Variants in MID1 observed in about 807,000 individuals in gnomAD.
MID1 encodes midline 1, also known as E3 ubiquitin-protein ligase Midline-1.
MID1 carries 7 observed loss-of-function variants against 40.4 expected under a neutral mutation model. That is an observed-to-expected ratio of 0.17 (90% CI 0.10 to 0.33). The LOEUF is 0.33. MID1 is among the 10% of genes least tolerant of loss of function. MID1 has a pLI of 1.00. For missense variants in MID1, 367 were observed against 558.5 expected (o/e 0.66, Z 3.46); for synonymous variants, 229 against 221.2 (o/e 1.04, Z -0.31).
chrX:10,534,634 T>C (rs1933172364), intron 2 of MID1, among the ~76,000 whole-genome samples: 1 of 112,002 alleles, frequency 8.9e-6, no homozygotes, highest in Non-Finnish European at 1.9e-5. Flanking sequence ...ATGATCAGCT[T>C]TGTTCTTGAA....
chrX:10,781,975 C>G (rs1165608933), intron 1 of MID1, among the ~76,000 whole-genome samples: 1 of 111,821 alleles, frequency 8.9e-6, no homozygotes, highest in Non-Finnish European at 1.9e-5. Context: ...GTATGAGTCA[C>G]TCACCCATCA....
At chrX:10,809,068 A>G (rs2044072370) in intron 1 of MID1, among the ~76,000 whole-genome samples, 1 of 112,089 alleles carries the variant, frequency 8.9e-6, no homozygotes, top group Admixed American at 9.4e-5. Context: ...AACGAACTCA[A>G]ACAAACTTAC....
intron 1 of MID1, among the ~76,000 whole-genome samples, chrX:10,832,135 T>C (rs751386822): frequency 4.4e-5 from 5 of 112,797 alleles, no homozygotes; most frequent in Admixed American, 3.7e-4. Context: ...ATTAAGAATT[T>C]TATTTACTAA....
intron 1 of MID1, among the ~76,000 whole-genome samples, chrX:10,761,917 G>A (rs777644138): frequency 4.5e-5 from 5 of 112,081 alleles, no homozygotes; most frequent in South Asian, 3.7e-4. Flanking sequence ...ATAATGATAC[G>A]TTAATATTAC....
chrX:10,734,904 T>C (rs187653473), intron 1 of MID1, among the ~76,000 whole-genome samples: 15 of 111,936 alleles, frequency 1.3e-4, no homozygotes, highest in African/African-American at 4.9e-4. Context: ...TATGTTTTGG[T>C]GATTCCTAGA....
intron 1 of MID1, among the ~76,000 whole-genome samples, chrX:10,687,662 A>T (rs764991500): frequency 2.7e-5 from 3 of 112,268 alleles, no homozygotes; most frequent in Non-Finnish European, 5.6e-5. Flanking sequence ...AGGGTTTTAC[A>T]TATTTTATTT....
chrX:10,576,174 G>A (rs1221812175), intron 1 of MID1, among the ~76,000 whole-genome samples: 1 of 111,245 alleles, frequency 9.0e-6, no homozygotes, highest in Non-Finnish European at 1.9e-5. Flanking sequence ...AACCAGGGAA[G>A]ACTTTTAATT....
chrX:10,554,910 ACT>A (rs1934060661), intron 2 of MID1, among the ~76,000 whole-genome samples: 1 of 111,579 alleles, frequency 9.0e-6, no homozygotes, highest in South Asian at 3.8e-4. Flanking sequence ...GGAAATAAAC[ACT>A]CTACCAGGTC....
chrX:10,704,315 C>T (rs1462031484), intron 1 of MID1, among the ~76,000 whole-genome samples: 2 of 111,603 alleles, frequency 1.8e-5, no homozygotes, highest in African/African-American at 6.5e-5. Flanking sequence ...ATGTCATTAG[C>T]AGGTCAACGT....
intron 5 of MID1, among the ~76,000 whole-genome samples, chrX:10,480,254 G>A (rs1241867406): frequency 8.9e-6 from 1 of 112,416 alleles, no homozygotes; most frequent in Admixed American, 9.4e-5. Flanking sequence ...TTGTTATAGA[G>A]AGAGCTGAAT....
chrX:10,790,398 T>G (rs191004355), intron 1 of MID1, among the ~76,000 whole-genome samples: 460 of 110,421 alleles, frequency 4.2e-3, no homozygotes, highest in Non-Finnish European at 6.4e-3. Context: ...CACCCCTCTC[T>G]CCCCTGCTGT....
chrX:10,762,740 A>G (rs1409618780), intron 1 of MID1, among the ~76,000 whole-genome samples: 1 of 111,344 alleles, frequency 9.0e-6, no homozygotes, highest in East Asian at 2.8e-4. Flanking sequence ...TGGCCTCTAA[A>G]CACAAAGTTC....
intron 1 of MID1, among the ~76,000 whole-genome samples, chrX:10,817,518 T>TTCTTTC (rs2044143945): frequency 2.7e-5 from 1 of 36,778 alleles, no homozygotes; most frequent in Non-Finnish European, 5.5e-5. Flanking sequence ...TTTTTTCTCT[T>TTCTTTC]TCTTTCTTTC....
At chrX:10,651,928 AT>A (rs968512722) in intron 1 of MID1, among the ~76,000 whole-genome samples, 4 of 111,652 alleles carry the variant, frequency 3.6e-5, no homozygotes, top group African/African-American at 1.3e-4. Context: ...GTGCCAGGTC[AT>A]TTTTTGTTTT....
At chrX:10,473,618 A>G (rs1472119239) in intron 6 of MID1, among the ~76,000 whole-genome samples, 1 of 112,287 alleles carries the variant, frequency 8.9e-6, no homozygotes, top group Non-Finnish European at 1.9e-5. Context: ...TTTCTCACAA[A>G]CATGTACACA....
At chrX:10,752,790 A>T (rs990507691) in intron 1 of MID1, among the ~76,000 whole-genome samples, 17 of 111,957 alleles carry the variant, frequency 1.5e-4, no homozygotes, top group African/African-American at 5.5e-4. Flanking sequence ...GTTTTCTCTT[A>T]AAAAAATTCT....
At position 10,499,210 on chromosome X, in the gene MID1, C is replaced by A. The variant is rs750833110; in HGVS notation, c.757-3519G>T. On this transcript the variant is annotated intron_variant, in intron 3 of 9. Coordinates refer to ENST00000317552, the MANE Select transcript of MID1 (RefSeq NM_000381.4). ...CCTGATGGCTAATGATGTTGACCAT[C>A]TTTTTCGTGAACTTACTGGACATCT... Among the ~76,000 whole-genome samples, 12 of 111,880 alleles carry A rather than the reference C, an allele frequency of 1.1e-4. No individual in the cohort carries two copies. In the East Asian group the frequency reaches 3.3e-3, roughly 31 times the overall value.
intron 1 of MID1, among the ~76,000 whole-genome samples, chrX:10,579,845 G>A: frequency 9.5e-6 from 1 of 104,809 alleles, no homozygotes; most frequent in Middle Eastern, 4.8e-3. Context: ...CTTTTGTTCT[G>A]AATGTTATTG....
At chrX:10,640,088 T>G (rs1225422383) in intron 1 of MID1, among the ~76,000 whole-genome samples, 1 of 111,936 alleles carries the variant, frequency 8.9e-6, no homozygotes, top group Non-Finnish European at 1.9e-5. Context: ...CCATCAGTGC[T>G]AGGAAGAAAC....
Sources: gnomAD v4.1 joint callset for allele counts (sites outside exome capture counted in the v4.1 genomes callset) on GRCh38, gnomAD v4.1.1 for gene constraint, MANE v1.5 for transcripts, NCBI Gene and HGNC (gene_info 2026-07-23, HGNC 2026-07-21) for gene names.